NRXN1: variants seen among roughly 807,000 people sequenced by gnomAD.
NRXN1 encodes neurexin-1.
A neutral mutation model predicts 150.9 loss-of-function variants in NRXN1; 39 were observed. The observed-to-expected ratio is 0.26, with a 90% CI of 0.20 to 0.34. NRXN1 has a LOEUF of 0.34. NRXN1 is among the 10% of genes least tolerant of loss of function. The probability of loss-of-function intolerance (pLI) is 1.00; values close to 1 mark genes in which losing one functional copy is unlikely to be tolerated. For synonymous variants in NRXN1, 924 were observed against 757.0 expected, an observed-to-expected ratio of 1.22 and a Z score of -3.62; for missense variants, 1,815 against 1,949.9, an observed-to-expected ratio of 0.93 and a Z score of 1.30.
chr2:50,303,280 A>G (rs1558487788), intron 17 of NRXN1, among the ~76,000 whole-genome samples: 1 of 152,174 alleles, frequency 6.6e-6, no homozygotes, highest in Non-Finnish European at 1.5e-5. Context: ...TTGGATACAT[A>G]CCTCACAGGA....
At chr2:50,388,783 T>G (rs1407233055) in intron 17 of NRXN1, among the ~76,000 whole-genome samples, 1 of 152,134 alleles carries the variant, frequency 6.6e-6, no homozygotes, top group Non-Finnish European at 1.5e-5. Flanking sequence ...ATTCTTTTAG[T>G]CTTCCATTTC....
chr2:50,778,284 T>C (rs1022546419), intron 5 of NRXN1, among the ~76,000 whole-genome samples: 2 of 152,202 alleles, frequency 1.3e-5, no homozygotes, highest in African/African-American at 4.8e-5. Flanking sequence ...TCAGTGTTTT[T>C]AAGGCAGAAA....
chr2:50,032,226 G>A (rs964618010), intron 21 of NRXN1, among the ~76,000 whole-genome samples: 7 of 151,896 alleles, frequency 4.6e-5, no homozygotes, highest in Non-Finnish European at 4.4e-5. Flanking sequence ...TTATTCACTC[G>A]TAATAAATAT....
At chr2:50,493,628 C>G (rs1209771283) in intron 15 of NRXN1, among the ~76,000 whole-genome samples, 1 of 152,200 alleles carries the variant, frequency 6.6e-6, no homozygotes, top group African/African-American at 2.4e-5. Context: ...GGCCCCACAG[C>G]AGGCTGTTCT....
chr2:50,634,285 T>C (rs1336413840), intron 5 of NRXN1, among the ~76,000 whole-genome samples: 1 of 152,212 alleles, frequency 6.6e-6, no homozygotes, highest in African/African-American at 2.4e-5. Context: ...GAGTCCAACA[T>C]TTATGAAGTT....
At chr2:50,951,219 G>A (rs188938739) in intron 2 of NRXN1, among the ~76,000 whole-genome samples, 1 of 152,166 alleles carries the variant, frequency 6.6e-6, no homozygotes, top group East Asian at 1.9e-4. Context: ...GATGAGAGGA[G>A]ATGAGATGAG....
At chr2:50,308,441 C>T (rs562131508) in intron 17 of NRXN1, among the ~76,000 whole-genome samples, 114 of 152,256 alleles carry the variant, frequency 7.5e-4, no homozygotes, top group Non-Finnish European at 9.8e-4. Flanking sequence ...AGTCTTCCTG[C>T]CTCAGCCTCC....
rs537356340 is a variant in NRXN1, at chr2:50,854,290, C to T, written c.832+67579G>A. 8.5e-5 allele frequency among the ~76,000 whole-genome samples: 13 copies of T among 152,128 alleles called. 1 individual carries two copies. Among genetic ancestry groups the T allele is most frequent in the African/African-American group, 2.4e-4 (10 of 41,536 alleles). On this transcript the variant is annotated intron_variant, in intron 5 of 22. Coordinates refer to ENST00000401669, the MANE Select transcript of NRXN1 (RefSeq NM_001330078.2). ...TATTTCACTTAACTGGCTAAAAATACGGAATGTAACATCTCATATATTAAT... is the reference window on the plus strand; with the variant it reads ...TATTTCACTTAACTGGCTAAAAATATGGAATGTAACATCTCATATATTAAT...
At chr2:50,910,919 G>A (rs934621466) in intron 5 of NRXN1, among the ~76,000 whole-genome samples, 8 of 151,800 alleles carry the variant, frequency 5.3e-5, no homozygotes, top group Non-Finnish European at 7.4e-5. Context: ...GATCTCACTG[G>A]GGCTAACTCA....
intron 2 of NRXN1, among the ~76,000 whole-genome samples, chr2:50,936,800 A>T (rs1574981857): frequency 6.6e-6 from 1 of 152,126 alleles, no homozygotes; most frequent in Non-Finnish European, 1.5e-5. Flanking sequence ...GCCTAATAAT[A>T]GACTATGAGA....
intron 17 of NRXN1, among the ~76,000 whole-genome samples, chr2:50,256,692 G>A (rs922502518): frequency 4.6e-5 from 7 of 152,070 alleles, no homozygotes; most frequent in African/African-American, 1.4e-4. Context: ...AGATAACTGC[G>A]TAGAGCCTAC....
intron 17 of NRXN1, among the ~76,000 whole-genome samples, chr2:50,358,575 C>G (rs2078980547): frequency 6.6e-6 from 1 of 152,216 alleles, no homozygotes; most frequent in Non-Finnish European, 1.5e-5. Flanking sequence ...AAGACAGCAG[C>G]CCCAGTCAGG....
At chr2:50,169,616 G>C (rs1246122250) in intron 18 of NRXN1, among the ~76,000 whole-genome samples, 2 of 151,332 alleles carry the variant, frequency 1.3e-5, no homozygotes, top group Non-Finnish European at 2.9e-5. Flanking sequence ...GGGAGGCTGA[G>C]GAAGGAGAAT....
intron 8 of NRXN1, among the ~76,000 whole-genome samples, chr2:50,577,535 C>T (rs1215462557): frequency 6.6e-6 from 1 of 152,002 alleles, no homozygotes; most frequent in African/African-American, 2.4e-5. Context: ...ATGTGTTTAG[C>T]TGAAGAACAT....
At chr2:50,942,370 A>G (rs556407170) in intron 2 of NRXN1, among the ~76,000 whole-genome samples, 5 of 152,142 alleles carry the variant, frequency 3.3e-5, no homozygotes, top group African/African-American at 1.2e-4. Context: ...GAGTTGTGAG[A>G]AGGCAGCTAC....
chr2:50,110,009 C>A (rs1201573935), intron 18 of NRXN1, among the ~76,000 whole-genome samples: 1 of 152,072 alleles, frequency 6.6e-6, no homozygotes, highest in Non-Finnish European at 1.5e-5. Context: ...ATTGTTAACA[C>A]AAGTCTATGT....
intron 12 of NRXN1, among the ~76,000 whole-genome samples, chr2:50,513,495 A>T (rs2092531625): frequency 6.6e-6 from 1 of 152,206 alleles, no homozygotes; most frequent in Non-Finnish European, 1.5e-5. Flanking sequence ...CACCCTGAAT[A>T]TAAAAATAAA....
chr2:50,614,733 C>CAAAAAAAAAAAAAAAAAAAAAAAA (rs33968907), intron 8 of NRXN1, among the ~76,000 whole-genome samples: 1 of 98,272 alleles, frequency 1.0e-5, no homozygotes, highest in Non-Finnish European at 1.9e-5. Context: ...ATCAGCCATT[C>CAAAAAAAAAAAAAAAAAAAAAAAA]AAAAAAAAAA....
chr2:50,307,206 A>G (rs1016687115), intron 17 of NRXN1, among the ~76,000 whole-genome samples: 1 of 151,838 alleles, frequency 6.6e-6, no homozygotes, highest in African/African-American at 2.4e-5. Flanking sequence ...CTGGTCTCGA[A>G]CTCCTGACCT....
Sources: gnomAD v4.1 joint callset for allele counts (sites outside exome capture counted in the v4.1 genomes callset) on GRCh38, gnomAD v4.1.1 for gene constraint, MANE v1.5 for transcripts, NCBI Gene and HGNC (gene_info 2026-07-23, HGNC 2026-07-21) for gene names.